The following SYN3 variants were observed in gnomAD, a reference collection of about 807,000 sequenced individuals.
The protein encoded by SYN3 is synapsin III.
In SYN3, 35 loss-of-function variants were observed where a neutral mutation model predicts 65.8. That is an observed-to-expected ratio of 0.53 (90% CI 0.41 to 0.70). The LOEUF (loss-of-function observed/expected upper bound fraction) is 0.70, where lower values mean the gene tolerates loss of function less well. Ranked by LOEUF, SYN3 falls within the 30% of genes least tolerant of loss-of-function variation. The probability of loss-of-function intolerance (pLI) is 0.00; values close to 1 mark genes in which losing one functional copy is unlikely to be tolerated. For synonymous variants in SYN3, 270 were observed against 292.9 expected (o/e 0.92, Z 0.80); for missense variants, 680 against 749.0 (o/e 0.91, Z 1.08).
chr22:32,569,598 C>T (rs944679162), intron 7 of SYN3, among the ~76,000 whole-genome samples: 1 of 139,768 alleles, frequency 7.2e-6, no homozygotes, highest in Non-Finnish European at 1.6e-5. Context: ...TAAAATCTAT[C>T]TATTTCTTCT....
chr22:32,630,913 G>C (rs901546970), intron 6 of SYN3, among the ~76,000 whole-genome samples: 1 of 152,204 alleles, frequency 6.6e-6, no homozygotes, highest in African/African-American at 2.4e-5. Flanking sequence ...CCACTGCTGA[G>C]CCTCTCAAAG....
At chr22:32,827,437 C>G (rs2047444954) in intron 6 of SYN3, among the ~76,000 whole-genome samples, 1 of 152,218 alleles carries the variant, frequency 6.6e-6, no homozygotes, top group South Asian at 2.1e-4. Context: ...TCCCTGCAAG[C>G]TCCTACTTGT....
At chr22:32,547,564 G>A (rs1253575664) in intron 7 of SYN3, among the ~76,000 whole-genome samples, 1 of 151,994 alleles carries the variant, frequency 6.6e-6, no homozygotes, top group East Asian at 1.9e-4. Flanking sequence ...TTTCTGAATT[G>A]CTTTACCCTC....
intron 6 of SYN3, among the ~76,000 whole-genome samples, chr22:32,691,018 G>A (rs1384444763): frequency 6.6e-6 from 1 of 152,128 alleles, no homozygotes; most frequent in African/African-American, 2.4e-5. Context: ...GTGATGAAGA[G>A]AGAGCTTGGG....
chr22:32,818,705 A>C (rs1465373559), intron 6 of SYN3, among the ~76,000 whole-genome samples: 1 of 152,168 alleles, frequency 6.6e-6, no homozygotes, highest in East Asian at 1.9e-4. Flanking sequence ...CATTAACTGC[A>C]GTCAGAAAAG....
intron 6 of SYN3, among the ~76,000 whole-genome samples, chr22:32,757,950 A>G (rs1454416355): frequency 2.0e-5 from 3 of 152,256 alleles, no homozygotes; most frequent in Non-Finnish European, 4.4e-5. Flanking sequence ...CAATATCAAT[A>G]CCAGCTATGA....
intron 6 of SYN3, among the ~76,000 whole-genome samples, chr22:32,736,351 G>C (rs1015223159): frequency 6.6e-6 from 1 of 152,180 alleles, no homozygotes; most frequent in East Asian, 1.9e-4. Flanking sequence ...GCAATTATGT[G>C]CAACTGGCTT....
chr22:32,869,330 T>TTCTCTCTCTCTCTCTC (rs59752570), intron 4 of SYN3, among the ~76,000 whole-genome samples: 1,824 of 120,854 alleles, frequency 0.015, 33 homozygotes, highest in South Asian at 0.033. Flanking sequence ...ACTATATATA[T>TTCTCTCTCTCTCTCTC]TCTCTCTCTC....
At chr22:32,810,876 A>C (rs1232236776) in intron 6 of SYN3, among the ~76,000 whole-genome samples, 2 of 152,186 alleles carry the variant, frequency 1.3e-5, no homozygotes, top group African/African-American at 4.8e-5. Context: ...ATCATGAATA[A>C]GCTCCCTGCC....
At chr22:32,585,261 A>T (rs1293380849) in intron 7 of SYN3, among the ~76,000 whole-genome samples, 2 of 152,146 alleles carry the variant, frequency 1.3e-5, no homozygotes, top group Admixed American at 6.5e-5. Flanking sequence ...GGCCCAGGGA[A>T]GTTAAGAAAT....
intron 7 of SYN3, among the ~76,000 whole-genome samples, chr22:32,573,498 T>G (rs2058807234): frequency 6.6e-6 from 1 of 152,182 alleles, no homozygotes; most frequent in East Asian, 1.9e-4. Flanking sequence ...ACTGAGTTCA[T>G]CAAAAGGGCC....
At chr22:32,712,262 C>T (rs1198041973) in intron 6 of SYN3, among the ~76,000 whole-genome samples, 1 of 152,232 alleles carries the variant, frequency 6.6e-6, no homozygotes. Context: ...ACTGTCTCAA[C>T]TAATGTGGCT....
intron 7 of SYN3, among the ~76,000 whole-genome samples, chr22:32,541,937 G>C (rs2058262904): frequency 6.6e-6 from 1 of 152,158 alleles, no homozygotes; most frequent in South Asian, 2.1e-4. Context: ...CTTTACAGAG[G>C]AGGTGAGCTC....
chr22:32,956,181 A>G (rs565390159), intron 3 of SYN3, among the ~76,000 whole-genome samples: 2 of 125,210 alleles, frequency 1.6e-5, no homozygotes, highest in South Asian at 5.1e-4. Flanking sequence ...TTTGAGACAG[A>G]GTCTTGTTCT....
chr22:33,022,649 A>G lies in SYN3; in HGVS notation c.-162-15825T>C, dbSNP rs369421265. Among the ~76,000 whole-genome samples, 55 of 152,326 alleles carry G rather than the reference A, an allele frequency of 3.6e-4. 1 individual carries two copies. The South Asian group carries it at 0.011, about 30-fold the overall frequency. The stretch of plus-strand genomic sequence containing the variant: ...TGGAAACAGGATTTGTAGGTGAGTG[A>G]GCACAAACAACTCCCTCCTCTGGTT... On this transcript the variant is annotated intron_variant, in intron 1 of 13. Coordinates refer to ENST00000358763, the MANE Select transcript of SYN3 (RefSeq NM_003490.4).
intron 7 of SYN3, among the ~76,000 whole-genome samples, chr22:32,555,953 G>A (rs1012026180): frequency 4.6e-5 from 7 of 152,084 alleles, no homozygotes; most frequent in African/African-American, 7.2e-5. Flanking sequence ...TCTGTGTGAC[G>A]AATATTAATA....
intron 1 of SYN3, among the ~76,000 whole-genome samples, chr22:33,024,351 T>C (rs1297544330): frequency 6.6e-6 from 1 of 152,170 alleles, no homozygotes. Context: ...CCAATACAAA[T>C]TCCCAGGCTT....
At chr22:32,920,918 G>A (rs1045621609) in intron 4 of SYN3, among the ~76,000 whole-genome samples, 1 of 152,120 alleles carries the variant, frequency 6.6e-6, no homozygotes, top group Non-Finnish European at 1.5e-5. Context: ...AGGTAGCTGA[G>A]TTCCTCCCCA....
chr22:32,967,889 A>G (rs1601808346), intron 3 of SYN3, among the ~76,000 whole-genome samples: 2 of 152,240 alleles, frequency 1.3e-5, no homozygotes, highest in South Asian at 4.1e-4. Context: ...CAGAAAATGT[A>G]GAGTAGCCAC....
Sources: gnomAD v4.1 joint callset for allele counts (sites outside exome capture counted in the v4.1 genomes callset) on GRCh38, gnomAD v4.1.1 for gene constraint, MANE v1.5 for transcripts, NCBI Gene and HGNC (gene_info 2026-07-23, HGNC 2026-07-21) for gene names.